SPSB1: variants seen among roughly 807,000 people sequenced by gnomAD.
The protein encoded by SPSB1 is splA/ryanodine receptor domain and SOCS box containing 1, also known as SPRY domain-containing SOCS box protein 1.
SPSB1 carries 8 observed loss-of-function variants against 21.2 expected under a neutral mutation model. The ratio of observed to expected loss-of-function variants is 0.38; its 90% CI spans 0.22 to 0.68. SPSB1 has a LOEUF of 0.68. Ranked by LOEUF, SPSB1 falls within the 30% of genes least tolerant of loss-of-function variation. The pLI is 0.53. For synonymous variants in SPSB1, 169 were observed against 161.7 expected, an observed-to-expected ratio of 1.05 and a Z score of -0.34; for missense variants, 242 against 377.8, an observed-to-expected ratio of 0.64 and a Z score of 2.98.
At chr1:9,310,395 T>C (rs1639497537) in intron 1 of SPSB1, among the ~76,000 whole-genome samples, 1 of 152,070 alleles carries the variant, frequency 6.6e-6, no homozygotes, top group South Asian at 2.1e-4. Context: ...CCTGGATAGA[T>C]CAAGAAGACC....
intron 1 of SPSB1, among the ~76,000 whole-genome samples, chr1:9,308,689 G>C (rs1020615629): frequency 2.0e-5 from 3 of 152,222 alleles, no homozygotes; most frequent in Non-Finnish European, 4.4e-5. Flanking sequence ...AAACAGTCCT[G>C]TGAGTTAGAT....
Position 9,309,380 on chromosome 1 carries a change from C to T in SPSB1, c.-150+16309C>T, listed in dbSNP as rs182808144. Among the ~76,000 whole-genome samples, 30 of 151,522 alleles carry T rather than the reference C, an allele frequency of 2.0e-4. No individual in the cohort carries two copies. In the East Asian group the frequency reaches 5.3e-3, roughly 27 times the overall value. ...TCACCCAGGCTGGAGTGCAGTGGTG[C>T]GGTCACAGCTCACTGCAGCCTCGAA... is the stretch of plus-strand genomic sequence containing the variant. On this transcript the variant is annotated intron_variant, in intron 1 of 2. Coordinates refer to ENST00000328089, the MANE Select transcript of SPSB1 (RefSeq NM_025106.4).
In SPSB1 at chr1:9,331,318, CTT is replaced by C. The variant is rs1382707246; in HGVS notation, c.-149-24424_-149-24423del. On this transcript the variant is annotated intron_variant, in intron 1 of 2. Transcript: ENST00000328089. ...TGGATCTCCTTCTGCTACTGGTGCT[CTT>C]GTTTTTTTTTTTTTTTTTTTTTTTT... Among the ~76,000 whole-genome samples the C allele has an allele frequency of 2.8e-3, 202 of 71,678 alleles. 1 individual carries two copies. The highest frequency in any genetic ancestry group is 0.012 in the African/African-American group (191 of 16,456). The allele number at this position is 71,678 out of a possible 152,430, so 47.0% of individuals were successfully genotyped here.
intron 1 of SPSB1, among the ~76,000 whole-genome samples, chr1:9,350,267 A>G (rs1640235378): frequency 6.6e-6 from 1 of 152,236 alleles, no homozygotes; most frequent in Non-Finnish European, 1.5e-5. Flanking sequence ...TTGCAGCCTG[A>G]GGGCTGCGGA....
Position 9,361,156 on chromosome 1 carries a change from C to CCTT in SPSB1, c.694+4571_694+4572insCTT, listed in dbSNP as rs1553128958. ...CAGGCATGGCTGGATCTGTCATTTT[C>CCTT]TTTTTTTTTTTTTTTTTTTTTTTTT... is the stretch of plus-strand genomic sequence containing the variant. On this transcript the variant is annotated intron_variant, in intron 2 of 2. Coordinates refer to ENST00000328089, the MANE Select transcript of SPSB1 (RefSeq NM_025106.4). Among the ~76,000 whole-genome samples the CCTT allele has an allele frequency of 3.3e-4, 34 of 102,570 alleles. 10 individuals carry two copies. The highest frequency in any genetic ancestry group is 5.8e-4 in the East Asian group (2 of 3,420). 67.3% of individuals were successfully genotyped at this position (102,570 alleles called of 152,430 possible).
At chr1:9,344,078 G>A (rs375622360) in intron 1 of SPSB1, among the ~76,000 whole-genome samples, 2 of 152,072 alleles carry the variant, frequency 1.3e-5, no homozygotes, top group Admixed American at 6.6e-5. Context: ...GTGAGCCACC[G>A]CACCTGGCCA....
chr1:9,322,107 T>G (rs777413243), intron 1 of SPSB1, among the ~76,000 whole-genome samples: 2 of 152,120 alleles, frequency 1.3e-5, no homozygotes, highest in Admixed American at 1.3e-4. Context: ...GGCTCTTTAT[T>G]AACGACCCAC....
In SPSB1 at chr1:9,293,985, TGA is replaced by T. The variant is rs1310980801; in HGVS notation, c.-150+916_-150+917del. Among the ~76,000 whole-genome samples, 6 of 151,946 alleles carry T rather than the reference TGA, an allele frequency of 3.9e-5. No homozygotes were observed. Among genetic ancestry groups the T allele is most frequent in the South Asian group, 2.1e-4 (1 of 4,816 alleles). ...ATTTATGTGCCTCTGAGTGTGTGTG[TGA>T]GTCTGTGTGTCTGTCAATGTGTGCC... On this transcript the variant is annotated intron_variant, in intron 1 of 2. Transcript: ENST00000328089. This position sits in a 1 kb window ranked among gnomAD's most constrained non-coding sequence, Gnocchi z 5.1.
rs116061445 is a variant in SPSB1 at position 9,322,686 on chromosome 1, C to T, written c.-150+29615C>T. 7.5e-3 allele frequency among the ~76,000 whole-genome samples: 1,140 copies of T among 152,234 alleles called. 14 individuals carry two copies. The highest frequency in any genetic ancestry group is 0.027 in the African/African-American group (1,101 of 41,524). On this transcript the variant is annotated intron_variant, in intron 1 of 2. Coordinates refer to ENST00000328089, the MANE Select transcript of SPSB1 (RefSeq NM_025106.4). ...GGAGGCCAGGACCACCTGCAGGTTC[C>T]ACTGTGGCTGGAATATTCTGGAGGC...
chr1:9,295,610 G>T (rs963871913), intron 1 of SPSB1, among the ~76,000 whole-genome samples: 5 of 152,208 alleles, frequency 3.3e-5, no homozygotes, highest in Admixed American at 3.3e-4. Context: ...CATCACAGAT[G>T]TTGAATTTCT....
At chr1:9,312,533 T>G (rs1029589539) in intron 1 of SPSB1, among the ~76,000 whole-genome samples, 1 of 152,116 alleles carries the variant, frequency 6.6e-6, no homozygotes, top group Non-Finnish European at 1.5e-5. Flanking sequence ...TAGAATTCAT[T>G]TTTTCTCCCT....
chr1:9,307,604 G>A (rs985366321), intron 1 of SPSB1, among the ~76,000 whole-genome samples: 8 of 152,264 alleles, frequency 5.3e-5, no homozygotes, highest in Middle Eastern at 3.4e-3. Flanking sequence ...GAGGCCACGT[G>A]AAGGTGGGAT....
At chr1:9,294,968 G>A (rs1057148355) in intron 1 of SPSB1, among the ~76,000 whole-genome samples, 2 of 152,188 alleles carry the variant, frequency 1.3e-5, no homozygotes, top group Non-Finnish European at 2.9e-5. Context: ...GAGGCCCAGA[G>A]AGGGCGGTTC....
At chr1:9,354,711 G>A (rs1247455562) in intron 1 of SPSB1, among the ~76,000 whole-genome samples, 2 of 151,992 alleles carry the variant, frequency 1.3e-5, no homozygotes, top group African/African-American at 4.8e-5. Context: ...TGAGGCAGGA[G>A]AATCACCTGA....
intron 1 of SPSB1, among the ~76,000 whole-genome samples, chr1:9,344,340 G>A (rs1640138140): frequency 6.6e-6 from 1 of 152,122 alleles, no homozygotes; most frequent in African/African-American, 2.4e-5. Flanking sequence ...TTGCTGGTTG[G>A]GACCCCACTT....
At chr1:9,307,774 A>G (rs1639444113) in intron 1 of SPSB1, among the ~76,000 whole-genome samples, 1 of 152,230 alleles carries the variant, frequency 6.6e-6, no homozygotes, top group African/African-American at 2.4e-5. Context: ...ATCTATTAAA[A>G]ATGACACCTG....
intron 1 of SPSB1, among the ~76,000 whole-genome samples, chr1:9,296,110 A>G (rs557939223): frequency 5.1e-4 from 77 of 152,272 alleles, no homozygotes; most frequent in African/African-American, 1.9e-3. Flanking sequence ...TCTGTGCTAC[A>G]GAGTGCTTTA....
intron 2 of SPSB1, among the ~76,000 whole-genome samples, chr1:9,358,190 G>A (rs1257360408): frequency 6.6e-6 from 1 of 152,172 alleles, no homozygotes; most frequent in Non-Finnish European, 1.5e-5. Flanking sequence ...TTAGGCATGC[G>A]CAAACGCTTA....
rs1639147682 is a variant in SPSB1 at position 9,293,121 on chromosome 1, G to A, written c.-150+50G>A. 2.0e-6 allele frequency: 2 copies of A among 978,112 alleles called. No homozygotes were observed. Among genetic ancestry groups the A allele is most frequent in the African/African-American group, 1.8e-5 (1 of 56,594 alleles). The allele number at this position is 978,112 out of a possible 1,614,324, so 60.6% of individuals were successfully genotyped here. On this transcript the variant is annotated intron_variant, in intron 1 of 2. Transcript: ENST00000328089. This position sits in a 1 kb window ranked among gnomAD's most constrained non-coding sequence, Gnocchi z 5.1. ...CCCCGATGGGTGGGCGACCGGCCCG[G>A]GAGGGGGAGGCGCGGGGGGCCGGGC...
Sources: gnomAD v4.1 joint callset for allele counts (sites outside exome capture counted in the v4.1 genomes callset) on GRCh38, gnomAD v4.1.1 for gene constraint, Gnocchi (gnomAD v3.1) non-coding constraint, MANE v1.5 for transcripts, NCBI Gene and HGNC (gene_info 2026-07-23, HGNC 2026-07-21) for gene names.